The following MGLL variants were observed in gnomAD, a reference collection of about 807,000 sequenced individuals.
The protein encoded by MGLL is lysophospholipase homolog.
In MGLL, 7 loss-of-function variants were observed where a neutral mutation model predicts 29.1. The ratio of observed to expected loss-of-function variants is 0.24; its 90% confidence interval spans 0.14 to 0.45. The LOEUF (loss-of-function observed/expected upper bound fraction) is 0.45, where lower values mean the gene tolerates loss of function less well. Among genes scored for constraint, MGLL ranks in the 20% least tolerant of loss-of-function variants. MGLL has a pLI of 0.99. For missense variants in MGLL, 356 were observed against 413.6 expected, an observed-to-expected ratio of 0.86 and a Z score of 1.21; for synonymous variants, 148 against 168.3, an observed-to-expected ratio of 0.88 and a Z score of 0.93.
At chr3:127,772,302 G>A (rs187242925) in intron 3 of MGLL, among the ~76,000 whole-genome samples, 4 of 152,288 alleles carry the variant, frequency 2.6e-5, no homozygotes, top group East Asian at 3.9e-4. Flanking sequence ...CAGACAGCAC[G>A]CTGCATTGGT....
At chr3:127,805,847 G>A (rs539774416) in intron 2 of MGLL, among the ~76,000 whole-genome samples, 4 of 152,236 alleles carry the variant, frequency 2.6e-5, no homozygotes, top group Non-Finnish European at 4.4e-5. Context: ...ATCTAGCAAC[G>A]TGTCAGACAA....
rs1287905614 is a variant in MGLL at position 127,803,082 on chromosome 3, T to G, written c.155+18612A>C. ...GCAACCTCCGCCTCCTGGGTTCAAGTGATTCTCCTGCCTCAGCCTCCTGAG... is the reference window on the plus strand; with the variant it reads ...GCAACCTCCGCCTCCTGGGTTCAAGGGATTCTCCTGCCTCAGCCTCCTGAG... On this transcript the variant is annotated intron_variant, in intron 2 of 7. Transcript: ENST00000265052. 2.6e-5 allele frequency among the ~76,000 whole-genome samples: 4 copies of G among 152,038 alleles called. No homozygotes were observed. The East Asian group carries it at 7.7e-4, about 29-fold the overall frequency.
intron 3 of MGLL, among the ~76,000 whole-genome samples, chr3:127,769,877 C>T (rs558175949): frequency 2.0e-5 from 3 of 152,274 alleles, no homozygotes; most frequent in African/African-American, 4.8e-5. Flanking sequence ...GAGGATGGAG[C>T]GGGGCTCCTG....
intron 2 of MGLL, among the ~76,000 whole-genome samples, chr3:127,798,206 G>A (rs1290132681): frequency 6.6e-6 from 1 of 152,160 alleles, no homozygotes; most frequent in Non-Finnish European, 1.5e-5. Flanking sequence ...ACTGTCCAGA[G>A]TTTTGTGATA....
intron 2 of MGLL, among the ~76,000 whole-genome samples, chr3:127,818,339 T>C (rs1472297847): frequency 3.3e-5 from 5 of 152,044 alleles, no homozygotes; most frequent in Admixed American, 3.3e-4. Context: ...TTTTTTGTTA[T>C]TGTTGTTGTT....
chr3:127,801,686 G>T (rs962416597), intron 2 of MGLL, among the ~76,000 whole-genome samples: 4 of 151,622 alleles, frequency 2.6e-5, no homozygotes, highest in Non-Finnish European at 2.9e-5. Flanking sequence ...TGCATGCAAG[G>T]TTCTGGAGTA....
chr3:127,768,935 C>T (rs2076902272), intron 3 of MGLL, among the ~76,000 whole-genome samples: 2 of 152,230 alleles, frequency 1.3e-5, no homozygotes, highest in Admixed American at 6.5e-5. Context: ...GCTGCTCCTG[C>T]TGTTGCTGGT....
intron 3 of MGLL, among the ~76,000 whole-genome samples, chr3:127,759,497 G>A (rs147635165): frequency 5.3e-5 from 8 of 152,308 alleles, no homozygotes; most frequent in Non-Finnish European, 8.8e-5. Flanking sequence ...GTGCTCAAGA[G>A]GGATGTCTGT....
At chr3:127,712,390 T>C (rs1157143660) in intron 5 of MGLL, 1 of 152,296 alleles carries the variant, frequency 6.6e-6, no homozygotes, top group African/African-American at 2.4e-5. Flanking sequence ...TTCTCAACCA[T>C]CCAGTATCAG....
At chr3:127,782,820 C>T (rs1221166342) in intron 2 of MGLL, among the ~76,000 whole-genome samples, 1 of 152,154 alleles carries the variant, frequency 6.6e-6, no homozygotes, top group African/African-American at 2.4e-5. Context: ...TCTGCAACTC[C>T]ACATGCAAGA....
intron 3 of MGLL, among the ~76,000 whole-genome samples, chr3:127,734,425 C>T (rs964610121): frequency 3.9e-5 from 6 of 152,112 alleles, no homozygotes; most frequent in South Asian, 2.1e-4. Context: ...GCAGTGCGCC[C>T]GTGCCTTCAT....
intron 2 of MGLL, among the ~76,000 whole-genome samples, chr3:127,784,995 A>C (rs541259361): frequency 1.3e-5 from 2 of 152,194 alleles, no homozygotes; most frequent in South Asian, 4.1e-4. Flanking sequence ...TCTGGTGCCC[A>C]GATGTGCCAG....
intron 3 of MGLL, among the ~76,000 whole-genome samples, chr3:127,738,902 C>A (rs905228480): frequency 1.3e-5 from 2 of 152,220 alleles, no homozygotes; most frequent in South Asian, 4.1e-4. Context: ...TGTAGTCTTA[C>A]CAATGCCCTA....
At position 127,721,179 on chromosome 3, in the gene MGLL, G is replaced by A; in HGVS notation, c.400-16C>T. The A allele has an allele frequency of 6.2e-7, 1 of 1,608,108 alleles. No homozygotes were observed. Among genetic ancestry groups the A allele is most frequent in the South Asian group, 1.1e-5 (1 of 90,938 alleles). On this transcript the variant is annotated splice_polypyrimidine_tract_variant and intron_variant, in intron 4 of 7. Coordinates refer to ENST00000265052, the MANE Select transcript of MGLL (RefSeq NM_007283.7). ...TGGCGCCTCCCTGTAATGCAGAATGGGCAGAGCTGCTGTGTTCGGCTTGCA... is the reference window on the plus strand; with the variant it reads ...TGGCGCCTCCCTGTAATGCAGAATGAGCAGAGCTGCTGTGTTCGGCTTGCA...
chr3:127,771,711 C>A (rs1213920696), intron 3 of MGLL, among the ~76,000 whole-genome samples: 8 of 152,220 alleles, frequency 5.3e-5, no homozygotes, highest in Non-Finnish European at 1.2e-4. Context: ...CAAATGTCCA[C>A]CACTGGCTCT....
At chr3:127,726,508 C>T (rs993827019) in intron 3 of MGLL, among the ~76,000 whole-genome samples, 23 of 151,998 alleles carry the variant, frequency 1.5e-4, no homozygotes, top group South Asian at 4.1e-4. Flanking sequence ...GGCGCAATCT[C>T]GGCTCACTGC....
intron 3 of MGLL, among the ~76,000 whole-genome samples, chr3:127,730,454 C>T (rs2107639420): frequency 6.6e-6 from 1 of 152,352 alleles, no homozygotes; most frequent in South Asian, 2.1e-4. Flanking sequence ...ACGTTCCTGC[C>T]CTGTGCCTCT....
At chr3:127,822,067 A>G (rs2077871671) in intron 1 of MGLL, 7 of 651,988 alleles carry the variant, frequency 1.1e-5, no homozygotes, top group Non-Finnish European at 1.8e-5. Context: ...GTGCCTCATT[A>G]CAGTTTTTCC....
rs1307412575 is a variant in MGLL at position 127,695,278 on chromosome 3, T to A, written c.601-88A>T. 7 of 1,360,952 alleles carry A rather than the reference T, an allele frequency of 5.1e-6. No individual in the cohort carries two copies. The East Asian group carries it at 1.7e-4, about 32-fold the overall frequency. The allele number at this position is 1,360,952 out of a possible 1,614,324, so 84.3% of individuals were successfully genotyped here. A position where few individuals can be genotyped will look rare whatever the true frequency, so the allele number is the denominator to read the frequency against. On this transcript the variant is annotated intron_variant, in intron 6 of 7. Coordinates refer to ENST00000265052, the MANE Select transcript of MGLL (RefSeq NM_007283.7). The stretch of plus-strand genomic sequence containing the variant: ...ATTTCCTGGTAGCTTTTCCTTCTGC[T>A]CTGGCCTGAAGGGTTGATTCCATTC...
Sources: gnomAD v4.1 joint callset for allele counts (sites outside exome capture counted in the v4.1 genomes callset) on GRCh38, gnomAD v4.1.1 for gene constraint, MANE v1.5 for transcripts, NCBI Gene and HGNC (gene_info 2026-07-23, HGNC 2026-07-21) for gene names.